Variants in GCNT1 observed in about 807,000 individuals in gnomAD.
GCNT1 encodes the protein glucosaminyl (N-acetyl) transferase 1, also known as beta-1,3-galactosyl-O-glycosyl-glycoprotein beta-1,6-N-acetylglucosaminyltransferase.
Under a neutral mutation model 26.2 loss-of-function variants are expected in GCNT1, and 16 were observed. The ratio of observed to expected loss-of-function variants is 0.61; its 90% CI spans 0.41 to 0.93. GCNT1 has a LOEUF of 0.93. GCNT1 is among the 40% of genes least tolerant of loss of function. The pLI is 0.00. For synonymous variants in GCNT1, 183 were observed against 190.8 expected (o/e 0.96, Z 0.34); for missense variants, 477 against 526.7 (o/e 0.91, Z 0.92).
At chr9:76,442,053 A>C (rs1253911738) in exon 1 of GCNT1, 1 of 152,168 alleles carries the variant, frequency 6.6e-6, no homozygotes, top group Non-Finnish European at 1.5e-5. Context: ...ACTCAGAGAC[A>C]CCTCTCTTCA....
At chr9:76,466,022 T>C (rs1823986220) in intron 2 of GCNT1, among the ~76,000 whole-genome samples, 1 of 152,148 alleles carries the variant, frequency 6.6e-6, no homozygotes, top group Admixed American at 6.5e-5. Flanking sequence ...CAGTTGCTAC[T>C]CCTGGAAGAG....
chr9:76,495,922 G>A, intron 2 of GCNT1, among the ~76,000 whole-genome samples: 1 of 152,144 alleles, frequency 6.6e-6, no homozygotes, highest in East Asian at 1.9e-4. Flanking sequence ...GAATGTTAGT[G>A]GTAGTTTTCC....
upstream of GCNT1, among the ~76,000 whole-genome samples, chr9:76,440,851 G>T (rs906395486): frequency 3.3e-5 from 5 of 151,936 alleles, no homozygotes; most frequent in African/African-American, 4.8e-5. Context: ...GGATCACAAG[G>T]TCAGGAGATC....
chr9:76,455,004 C>T (rs778780975), upstream of GCNT1, among the ~76,000 whole-genome samples: 2 of 151,782 alleles, frequency 1.3e-5, no homozygotes, highest in African/African-American at 2.4e-5. Flanking sequence ...TGCACCACCA[C>T]GCCTGGATAA....
intron 1 of GCNT1, among the ~76,000 whole-genome samples, chr9:76,421,267 G>T (rs1202810687): frequency 6.6e-6 from 1 of 152,108 alleles, no homozygotes; most frequent in Non-Finnish European, 1.5e-5. Flanking sequence ...AAACTTGTTA[G>T]ATTTTCCTGG....
At chr9:76,397,096 A>G in the GCNT1 span, among the ~76,000 whole-genome samples, 1 of 152,240 alleles carries the variant, frequency 6.6e-6, no homozygotes, top group Non-Finnish European at 1.5e-5. Context: ...AGCCTGGACA[A>G]CATGGCAAAA....
upstream of GCNT1, among the ~76,000 whole-genome samples, chr9:76,438,285 T>A (rs1216757059): frequency 1.3e-5 from 2 of 152,104 alleles, no homozygotes; most frequent in Non-Finnish European, 2.9e-5. Context: ...GTGTGGGGGG[T>A]GGCTTCCAGG....
Position 76,502,293 on chromosome 9 carries a change from C to A in GCNT1, c.-89C>A. On this transcript the variant is annotated 5_prime_UTR_variant, in exon 4 of 4. Coordinates refer to ENST00000376730, the MANE Select transcript of GCNT1 (RefSeq NM_001490.5). ...AGCTCTGATAAATGCAAACTGACAA[C>A]CTTCAAGGCCACGACGGAGGGAAAA... The A allele has an allele frequency of 2.4e-6, 2 of 830,182 alleles. No individual in the cohort carries two copies. The highest frequency in any genetic ancestry group is 2.4e-5 in the East Asian group (1 of 40,966). The allele number at this position is 830,182 out of a possible 1,614,324, so 51.4% of individuals were successfully genotyped here.
At chr9:76,498,152 T>A (rs940700447) in intron 2 of GCNT1, among the ~76,000 whole-genome samples, 2 of 152,234 alleles carry the variant, frequency 1.3e-5, no homozygotes, top group Non-Finnish European at 2.9e-5. Context: ...GTGTGAGACC[T>A]TCATATCTTA....
At chr9:76,486,215 A>G (rs1442669061) in intron 2 of GCNT1, among the ~76,000 whole-genome samples, 1 of 152,200 alleles carries the variant, frequency 6.6e-6, no homozygotes, top group Non-Finnish European at 1.5e-5. Context: ...TGAAGATTCT[A>G]TGTGTTAATA....
upstream of GCNT1, among the ~76,000 whole-genome samples, chr9:76,416,718 G>T (rs1587401053): frequency 6.6e-6 from 1 of 152,328 alleles, no homozygotes; most frequent in Non-Finnish European, 1.5e-5. Flanking sequence ...TTAATTTTAA[G>T]TTTTGAATAA....
At chr9:76,427,355 T>C (rs1823271709) in intron 1 of GCNT1, among the ~76,000 whole-genome samples, 1 of 152,030 alleles carries the variant, frequency 6.6e-6, no homozygotes, top group Admixed American at 6.6e-5. Flanking sequence ...AATTATTGTA[T>C]TTTTTGTAGA....
chr9:76,394,231 T>G, the GCNT1 span: 1 of 1,511,810 alleles, frequency 6.6e-7, no homozygotes, highest in Non-Finnish European at 8.9e-7. Context: ...GGAGCCGCCG[T>G]CGACGCGGCG....
chr9:76,418,491 G>T (rs11144887), upstream of GCNT1, among the ~76,000 whole-genome samples: 51,540 of 152,044 alleles, frequency 0.34, 9,284 homozygotes, highest in Middle Eastern at 0.4. Flanking sequence ...AGAGGAGGGG[G>T]TCTATTCAGA....
At chr9:76,449,994 A>G (rs1823638598) in intron 1 of GCNT1, among the ~76,000 whole-genome samples, 1 of 152,082 alleles carries the variant, frequency 6.6e-6, no homozygotes, top group African/African-American at 2.4e-5. Context: ...GCTGGTCTCA[A>G]ACTCCTGACC....
At chr9:76,405,946 T>G in the GCNT1 span, among the ~76,000 whole-genome samples, 1 of 152,322 alleles carries the variant, frequency 6.6e-6, no homozygotes, top group South Asian at 2.1e-4. Flanking sequence ...AGAGTATGTT[T>G]AGTTTTATAG....
At chr9:76,412,917 C>T in the GCNT1 span, among the ~76,000 whole-genome samples, 1 of 152,158 alleles carries the variant, frequency 6.6e-6, no homozygotes, top group Non-Finnish European at 1.5e-5. Context: ...CCTCTAAACC[C>T]ACTAATTAGA....
At chr9:76,413,497 G>C in the GCNT1 span, among the ~76,000 whole-genome samples, 8 of 152,286 alleles carry the variant, frequency 5.3e-5, no homozygotes, top group Admixed American at 5.2e-4. Flanking sequence ...CACTCTTCTT[G>C]CTTGTGTGGT....
At chr9:76,397,604 C>T in the GCNT1 span, among the ~76,000 whole-genome samples, 6 of 151,958 alleles carry the variant, frequency 3.9e-5, no homozygotes, top group Admixed American at 2.0e-4. Flanking sequence ...CCACCACGCC[C>T]GGCTAATTTT....
Sources: allele counts gnomAD v4.1 joint callset (sites outside exome capture counted in the v4.1 genomes callset), GRCh38; gene constraint gnomAD v4.1.1; transcripts MANE v1.5; gene names NCBI Gene and HGNC (gene_info 2026-07-23, HGNC 2026-07-21).